The following MGAM2 variants were observed in gnomAD, a reference collection of about 807,000 sequenced individuals.
MGAM2 encodes the protein maltase-glucoamylase 2 (putative), also known as probable maltase-glucoamylase 2.
A neutral mutation model predicts 96.1 loss-of-function variants in MGAM2; 98 were observed. The ratio of observed to expected loss-of-function variants is 1.02; its 90% CI spans 0.87 to 1.21. The LOEUF is 1.21. Among genes scored for constraint, MGAM2 ranks in the 50% most tolerant of loss-of-function variants. MGAM2 has a pLI of 0.00. For synonymous variants in MGAM2, 749 were observed against 414.8 expected (o/e 1.81, Z -9.79); for missense variants, 2,055 against 1,182.4 (o/e 1.74, Z -10.82).
chr7:142,170,263 G>T lies in MGAM2; in HGVS notation c.3182+34G>T, dbSNP rs541633767. The T allele has an allele frequency of 8.9e-6, 6 of 671,222 alleles. No homozygotes were observed. In the East Asian group the frequency reaches 1.7e-4, roughly 19 times the overall value. 41.6% of individuals were successfully genotyped at this position (671,222 alleles called of 1,614,324 possible). A position where few individuals can be genotyped will look rare whatever the true frequency, so the allele number is the denominator to read the frequency against. On this transcript the variant is annotated intron_variant, in intron 27 of 47. Transcript: ENST00000477922. The stretch of plus-strand genomic sequence containing the variant: ...TATTTATTTGATTCTAATTAGAGTA[G>T]TTCTAGATTTAATTACAGCAGTTAC...
intron 33 of MGAM2, among the ~76,000 whole-genome samples, chr7:142,184,743 C>T (rs1287911266): frequency 6.6e-6 from 1 of 152,180 alleles, no homozygotes; most frequent in Non-Finnish European, 1.5e-5. Flanking sequence ...AGTCACACTT[C>T]ATACTTATTA....
intron 15 of MGAM2, among the ~76,000 whole-genome samples, chr7:142,150,112 T>C (rs937450072): frequency 6.6e-6 from 1 of 152,044 alleles, no homozygotes; most frequent in Non-Finnish European, 1.5e-5. Flanking sequence ...CAGCTAATTT[T>C]GTATTTTTAG....
intron 15 of MGAM2, among the ~76,000 whole-genome samples, chr7:142,149,341 GATTCTTAGGA>G (rs1194502795): frequency 6.6e-6 from 1 of 152,118 alleles, no homozygotes; most frequent in African/African-American, 2.4e-5. Flanking sequence ...CACTATTGAT[GATTCTTAGGA>G]ATCCATCCTC....
chr7:142,170,615 A>G (rs568357490), intron 27 of MGAM2, among the ~76,000 whole-genome samples: 1 of 152,298 alleles, frequency 6.6e-6, no homozygotes, highest in East Asian at 1.9e-4. Context: ...GGAGAAAGAA[A>G]TAGCTTCTTG....
At chr7:142,146,752 T>G (rs972394448) in intron 14 of MGAM2, among the ~76,000 whole-genome samples, 7 of 151,586 alleles carry the variant, frequency 4.6e-5, no homozygotes, top group African/African-American at 1.7e-4. Flanking sequence ...TTTTGAGATG[T>G]AGTCTCGCTC....
rs1554499599 is a variant in MGAM2, at chr7:142,114,216, G to GAAAGAA, written c.-1+2410_-1+2411insAAGAAA. On this transcript the variant is annotated intron_variant, in intron 1 of 47. Coordinates refer to ENST00000477922, the MANE Select transcript of MGAM2 (RefSeq NM_001293626.2). ...AAAGAAAGAAAGAAAGAAAGAAAGA[G>GAAAGAA]AGAAAGAAAGAAAGAAATAGGAGAC... is the stretch of plus-strand genomic sequence containing the variant. 4.4e-5 allele frequency among the ~76,000 whole-genome samples: 3 copies of GAAAGAA among 68,038 alleles called. 1 individual carries two copies. Among genetic ancestry groups the GAAAGAA allele is most frequent in the Non-Finnish European group, 8.2e-5 (3 of 36,590 alleles). The allele number at this position is 68,038 out of a possible 152,430, so 44.6% of individuals were successfully genotyped here.
intron 35 of MGAM2, 146 bp from the exon 36 acceptor site, chr7:142,187,604 G>C: frequency 1.8e-6 from 1 of 546,926 alleles, no homozygotes; most frequent in South Asian, 2.5e-5. Context: ...AGTCCATTTG[G>C]GTCAGTGCCA....
intron 15 of MGAM2, among the ~76,000 whole-genome samples, chr7:142,152,931 C>A (rs572338281): frequency 7.2e-5 from 11 of 152,038 alleles, no homozygotes; most frequent in African/African-American, 2.4e-4. Context: ...GTATGTTCAT[C>A]TGTGCCCCTG....
chr7:142,131,842 G>C, intron 5 of MGAM2, 89 bp from the exon 6 acceptor site: 2 of 625,964 alleles, frequency 3.2e-6, no homozygotes, highest in South Asian at 1.9e-5. Flanking sequence ...TTCTCATGGG[G>C]TGTCATTTGA....
At chr7:142,134,236 T>A in intron 7 of MGAM2, 84 bp downstream of exon 7, 1 of 615,640 alleles carries the variant, frequency 1.6e-6, no homozygotes, top group Admixed American at 2.4e-5. Context: ...GGAATACATC[T>A]ATTTTACTTT....
rs116709626 is a variant in MGAM2, at chr7:142,117,556, C to T, written c.106+577C>T. On this transcript the variant is annotated intron_variant, in intron 2 of 47. Coordinates refer to ENST00000477922, the MANE Select transcript of MGAM2 (RefSeq NM_001293626.2). ...TTCAAAAATGTATTTTCAGTTAAAG[C>T]TGAATTTGGGCTTTGTTCTGCTTGA... Among the ~76,000 whole-genome samples the T allele has an allele frequency of 1.1e-3, 162 of 152,194 alleles. 1 individual carries two copies. Among genetic ancestry groups the T allele is most frequent in the African/African-American group, 3.9e-3 (161 of 41,510 alleles).
In MGAM2 at chr7:142,154,183, C is replaced by T; in HGVS notation, c.1800C>T (p.Ile600=). 1 of 611,402 alleles carries T rather than the reference C, an allele frequency of 1.6e-6. No homozygotes were observed. Among genetic ancestry groups the T allele is most frequent in the East Asian group, 2.8e-5 (1 of 36,138 alleles). 37.9% of individuals were successfully genotyped at this position (611,402 alleles called of 1,614,324 possible). The stretch of plus-strand genomic sequence containing the variant: ...TCCTTGAGTTCAACCTGTTTGGCAT[C>T]CCCATGGTGAGCCTTATTTCCAACC... ...PTILEFNLFG[I]PMVGANICGY... Residue 600 remains isoleucine (I), a synonymous_variant, in exon 16 of 48, where the codon ATC becomes ATT. Transcript: ENST00000477922.
chr7:142,149,694 C>G (rs528348904), intron 15 of MGAM2, among the ~76,000 whole-genome samples: 11 of 152,130 alleles, frequency 7.2e-5, no homozygotes, highest in Admixed American at 5.9e-4. Flanking sequence ...GCAGCTGCCA[C>G]CACGCCCGGC....
rs373795786 is a variant in MGAM2 at position 142,164,764 on chromosome 7, G to A, written c.2485-92G>A. On this transcript the variant is annotated intron_variant, in intron 23 of 47. Transcript: ENST00000477922. ...AACTGCAGAGAAAAGGAAACAGCTT[G>A]GATCACAGAAATTGAGACATTGACT... The A allele has an allele frequency of 1.4e-5, 8 of 563,566 alleles. No individual in the cohort carries two copies. In the East Asian group the frequency reaches 1.5e-4, roughly 11 times the overall value. 34.9% of individuals were successfully genotyped at this position (563,566 alleles called of 1,614,324 possible).
chr7:142,218,282 G>A (rs548451591), intron 46 of MGAM2, 79 bp from the exon 47 acceptor site: 12 of 480,094 alleles, frequency 2.5e-5, no homozygotes, highest in African/African-American at 2.0e-4. Flanking sequence ...GTAAATTTAG[G>A]TTTGTTAATA....
intron 32 of MGAM2, among the ~76,000 whole-genome samples, chr7:142,178,082 C>G (rs1210775804): frequency 1.3e-5 from 2 of 152,190 alleles, no homozygotes; most frequent in Non-Finnish European, 2.9e-5. Context: ...GATGGTATCT[C>G]TTTGTGGTTT....
rs1435668013 is a variant in MGAM2 at position 142,148,012 on chromosome 7, A to T, written c.1634+439A>T. Among the ~76,000 whole-genome samples, 1 of 152,096 alleles carries T rather than the reference A, an allele frequency of 6.6e-6. No homozygotes were observed. The highest frequency in any genetic ancestry group is 2.4e-5 in the African/African-American group (1 of 41,388). On this transcript the variant is annotated intron_variant, in intron 15 of 47. Coordinates refer to ENST00000477922, the MANE Select transcript of MGAM2 (RefSeq NM_001293626.2). The surrounding 1 kb of genome is among the most constrained non-coding windows in gnomAD (Gnocchi z 4.2). ...ACCTGTATTTCCTTTATTTATCTGG[A>T]AATGCTACACCATATCCTTCTATTT...
intron 32 of MGAM2, among the ~76,000 whole-genome samples, chr7:142,176,406 A>G (rs186231014): frequency 1.3e-5 from 2 of 152,280 alleles, no homozygotes; most frequent in East Asian, 1.9e-4. Flanking sequence ...CTCACTTACT[A>G]ATTCACGTAT....
At chr7:142,202,844 T>A (rs905716477) in intron 45 of MGAM2, among the ~76,000 whole-genome samples, 1 of 152,206 alleles carries the variant, frequency 6.6e-6, no homozygotes, top group African/African-American at 2.4e-5. Context: ...GTAATGAGAT[T>A]GCTGGGTTGA....
Sources: gnomAD v4.1 joint callset for allele counts (sites outside exome capture counted in the v4.1 genomes callset) on GRCh38, gnomAD v4.1.1 for gene constraint, Gnocchi (gnomAD v3.1) non-coding constraint, MANE v1.5 for transcripts, NCBI Gene and HGNC (gene_info 2026-07-23, HGNC 2026-07-21) for gene names.